TENT4B: variants seen among roughly 807,000 people sequenced by gnomAD.
TENT4B encodes the protein PAP associated domain containing 5.
A neutral mutation model predicts 75.0 loss-of-function variants in TENT4B; 10 were observed. The ratio of observed to expected loss-of-function variants is 0.13; its 90% confidence interval spans 0.08 to 0.23. The LOEUF (loss-of-function observed/expected upper bound fraction) is 0.23, where lower values mean the gene tolerates loss of function less well. Among genes scored for constraint, TENT4B ranks in the 10% least tolerant of loss-of-function variants. TENT4B has a pLI of 1.00. For missense variants in TENT4B, 579 were observed against 893.8 expected, an observed-to-expected ratio of 0.65 and a Z score of 4.49; for synonymous variants, 350 against 357.7, an observed-to-expected ratio of 0.98 and a Z score of 0.24.
intron 1 of TENT4B, among the ~76,000 whole-genome samples, chr16:50,192,513 A>G (rs759646550): frequency 2.5e-4 from 38 of 152,350 alleles, no homozygotes; most frequent in Middle Eastern, 3.4e-3. Flanking sequence ...AGAAATGCAC[A>G]GTGTAACTTG....
At chr16:50,165,570 T>C (rs60806156) in intron 1 of TENT4B, among the ~76,000 whole-genome samples, 2,476 of 152,186 alleles carry the variant, frequency 0.016, 67 homozygotes, top group African/African-American at 0.055. Context: ...TCTGAACCCA[T>C]TATCACTCCC....
At chr16:50,225,357 C>A in intron 10 of TENT4B, 72 bp downstream of exon 10, 4 of 1,373,096 alleles carry the variant, frequency 2.9e-6, no homozygotes, top group Non-Finnish European at 3.0e-6. Context: ...AACACTGTCT[C>A]GAAGGCTAAG....
chr16:50,153,367 C>T lies in TENT4B; in HGVS notation c.-255C>T, dbSNP rs534654494. Among the ~76,000 whole-genome samples the T allele has an allele frequency of 8.9e-5, 6 of 67,500 alleles. No homozygotes were observed. Among genetic ancestry groups the T allele is most frequent in the Non-Finnish European group, 1.5e-4 (5 of 34,190 alleles). The allele number at this position is 67,500 out of a possible 152,430, so 44.3% of individuals were successfully genotyped here. ...CACGGGGACCCCAGTGACAGGGGCTCGGCGGAGGGGCGGAGGGGCGGAGGG... is the reference window on the plus strand; with the variant it reads ...CACGGGGACCCCAGTGACAGGGGCTTGGCGGAGGGGCGGAGGGGCGGAGGG... On this transcript the variant is annotated 5_prime_UTR_variant, in exon 1 of 12. Transcript: ENST00000561678.
At chr16:50,211,473 C>T (rs942299735) in intron 2 of TENT4B, 27 bp downstream of exon 2, 14 of 1,545,024 alleles carry the variant, frequency 9.1e-6, no homozygotes, top group African/African-American at 1.4e-5. Flanking sequence ...GTAGCTTATG[C>T]TTCGGACAGT....
At chr16:50,153,233 CG>C (rs1376306912), upstream of TENT4B, among the ~76,000 whole-genome samples, 80 of 143,350 alleles carry the variant, frequency 5.6e-4, no homozygotes, top group Non-Finnish European at 1.1e-3. Flanking sequence ...GGCCCCGCCC[CG>C]GGGCCGGAGG....
chr16:50,208,219 A>G (rs1415396995), intron 1 of TENT4B, among the ~76,000 whole-genome samples: 1 of 152,226 alleles, frequency 6.6e-6, no homozygotes, highest in East Asian at 1.9e-4. Context: ...ATCAAAATAC[A>G]ATAACCTGTG....
rs1350312781 is a variant in TENT4B, at chr16:50,153,977, G to T, written c.356G>T (p.Gly119Val). The change falls in exon 1 of 12, where the codon GGG becomes GTG. Residue 119 changes from glycine to valine, a missense_variant. Physicochemically the swap from Gly to Val is moderately radical, Grantham distance 109. This residue lies in a region of TENT4B where 253 missense variants were observed against 270.1 expected (regional missense o/e 0.94). Coordinates refer to ENST00000561678, the MANE Select transcript of TENT4B (RefSeq NM_001365324.3). The stretch of plus-strand genomic sequence containing the variant: ...AACAACAACAACCACCACCAGCCCG[G>T]GGCCTGGGCCCGCCGGGCGGGCTCC... The part of the protein sequence containing the change: ...TNNNNNHHQP[G>V]AWARRAGSSA... 1.3e-6 allele frequency: 2 copies of T among 1,534,080 alleles called. No individual in the cohort carries two copies. Among genetic ancestry groups the T allele is most frequent in the Admixed American group, 2.0e-5 (1 of 50,900 alleles).
At chr16:50,184,539 C>T (rs138965273) in intron 1 of TENT4B, among the ~76,000 whole-genome samples, 93 of 152,044 alleles carry the variant, frequency 6.1e-4, no homozygotes, top group African/African-American at 2.1e-3. Flanking sequence ...TGGTGGCGGG[C>T]GCCTATAGTC....
chr16:50,156,448 G>A (rs971369257), intron 1 of TENT4B, among the ~76,000 whole-genome samples: 3 of 151,772 alleles, frequency 2.0e-5, no homozygotes, highest in Non-Finnish European at 2.9e-5. Context: ...AGGTTCAAGC[G>A]ATTCTGCTGC....
intron 1 of TENT4B, among the ~76,000 whole-genome samples, chr16:50,197,320 G>C (rs974900634): frequency 2.8e-4 from 43 of 152,256 alleles, no homozygotes; most frequent in African/African-American, 1.0e-3. Flanking sequence ...ACAGAGTCTT[G>C]CTTTGTCACC....
At position 50,230,192 on chromosome 16, in the gene TENT4B, T is replaced by C. The variant is rs2032239038; in HGVS notation, c.*864T>C. The C allele has an allele frequency of 3.0e-6, 3 of 985,138 alleles. No homozygotes were observed. The highest frequency in any genetic ancestry group is 6.1e-5 in the Admixed American group (1 of 16,264). The allele number at this position is 985,138 out of a possible 1,614,324, so 61.0% of individuals were successfully genotyped here. ...TCTCTGGTCATCTCCGAGAATTAAC[T>C]TGCAACTGTTTTCTATAGTGCTGTC... On this transcript the variant is annotated 3_prime_UTR_variant, in exon 12 of 12. Transcript: ENST00000561678.
intron 1 of TENT4B, among the ~76,000 whole-genome samples, chr16:50,173,758 A>G (rs757639066): frequency 6.6e-6 from 1 of 152,146 alleles, no homozygotes; most frequent in African/African-American, 2.4e-5. Flanking sequence ...CAATGGTACA[A>G]TCTTGGCTCA....
At chr16:50,211,262 A>C in intron 1 of TENT4B, 61 bp from the exon 2 acceptor site, 1 of 1,476,940 alleles carries the variant, frequency 6.8e-7, no homozygotes, top group Non-Finnish European at 9.0e-7. Context: ...AGATTATTTA[A>C]GATAGTGATT....
intron 1 of TENT4B, among the ~76,000 whole-genome samples, chr16:50,206,029 A>G (rs2030946745): frequency 6.6e-6 from 1 of 152,122 alleles, no homozygotes; most frequent in African/African-American, 2.4e-5. Context: ...ATAAAGGGAA[A>G]GTGCTTTATG....
chr16:50,192,846 G>T (rs913556582), intron 1 of TENT4B, among the ~76,000 whole-genome samples: 2 of 152,114 alleles, frequency 1.3e-5, no homozygotes, highest in Non-Finnish European at 2.9e-5. Context: ...CAGCACTTTG[G>T]GAGGCTGGGT....
intron 1 of TENT4B, among the ~76,000 whole-genome samples, chr16:50,197,100 C>G (rs887783640): frequency 6.6e-6 from 1 of 150,796 alleles, no homozygotes; most frequent in Non-Finnish European, 1.5e-5. Context: ...TAGCAAGACC[C>G]CATCTCTAAA....
Position 50,153,822 on chromosome 16 carries a change from C to T in TENT4B, c.201C>T (p.Gly67=). ...TATGGSGSST[G]SPGGAASAPA... ...CCGGCGGGAGCGGCAGCAGCACCGG[C>T]AGCCCCGGCGGCGCGGCCTCGGCCC... The change falls in exon 1 of 12, where the codon GGC becomes GGT. Residue 67 remains glycine (G), a synonymous_variant. Transcript: ENST00000561678. 1.6e-6 allele frequency: 2 copies of T among 1,234,910 alleles called. No individual in the cohort carries two copies. The highest frequency in any genetic ancestry group is 2.0e-6 in the Non-Finnish European group (2 of 992,716). 76.5% of individuals were successfully genotyped at this position (1,234,910 alleles called of 1,614,324 possible). A position where few individuals can be genotyped will look rare whatever the true frequency, so the allele number is the denominator to read the frequency against.
At chr16:50,218,878 C>G (rs1376371896) in intron 5 of TENT4B, among the ~76,000 whole-genome samples, 1 of 152,184 alleles carries the variant, frequency 6.6e-6, no homozygotes. Flanking sequence ...TTTCTCACCT[C>G]TAACCTAAGC....
intron 11 of TENT4B, among the ~76,000 whole-genome samples, chr16:50,228,787 C>G (rs998068131): frequency 1.3e-5 from 2 of 152,224 alleles, no homozygotes; most frequent in Non-Finnish European, 2.9e-5. Flanking sequence ...GAGTAGCCAC[C>G]TGTGCTGACC....
Sources: gnomAD v4.1 joint callset for allele counts (sites outside exome capture counted in the v4.1 genomes callset) on GRCh38, gnomAD v4.1.1 for gene constraint, gnomAD v4.1.1 regional missense constraint, MANE v1.5 for transcripts, NCBI Gene and HGNC (gene_info 2026-07-23, HGNC 2026-07-21) for gene names.